ZNF254: variants seen among roughly 807,000 people sequenced by gnomAD.
ZNF254 encodes the protein CTD-2017D11.1.
Under a neutral mutation model 12.4 loss-of-function variants are expected in ZNF254, and 10 were observed. The observed-to-expected ratio is 0.80, with a 90% CI of 0.50 to 1.36. The LOEUF is 1.36. Among genes scored for constraint, ZNF254 ranks in the 40% most tolerant of loss-of-function variants. ZNF254 has a pLI of 0.00. For missense variants in ZNF254, 996 were observed against 763.9 expected (o/e 1.30, Z -3.58); for synonymous variants, 305 against 253.4 (o/e 1.20, Z -1.93).
chr19:24,039,251 G>C (rs1378667000), intron 1 of ZNF254, among the ~76,000 whole-genome samples: 1 of 152,206 alleles, frequency 6.6e-6, no homozygotes, highest in Admixed American at 6.5e-5. Flanking sequence ...TTGAGATTGT[G>C]TGAGGAGCTC....
At chr19:24,084,594 C>T (rs902989584), upstream of ZNF254, among the ~76,000 whole-genome samples, 18 of 151,918 alleles carry the variant, frequency 1.2e-4, no homozygotes, top group African/African-American at 3.1e-4. Flanking sequence ...TCCCAAACCC[C>T]GTAAGTTTAA....
intron 2 of ZNF254, among the ~76,000 whole-genome samples, chr19:24,078,164 C>G (rs1412156221): frequency 6.6e-6 from 1 of 152,136 alleles, no homozygotes; most frequent in Admixed American, 6.6e-5. Context: ...CAGCCTCCCA[C>G]ATAGTTGGAA....
intron 1 of ZNF254, among the ~76,000 whole-genome samples, chr19:24,092,589 C>G (rs1318142827): frequency 6.6e-6 from 1 of 152,008 alleles, no homozygotes; most frequent in Non-Finnish European, 1.5e-5. Flanking sequence ...CCATGTTGCT[C>G]AGGCTGGTCT....
At chr19:24,073,148 A>T (rs1413585067) in intron 2 of ZNF254, among the ~76,000 whole-genome samples, 2 of 152,186 alleles carry the variant, frequency 1.3e-5, no homozygotes, top group African/African-American at 4.8e-5. Context: ...CACAGGTGAG[A>T]CTGTGTTTCT....
At chr19:24,054,313 C>T (rs1269028301) in intron 2 of ZNF254, among the ~76,000 whole-genome samples, 1 of 152,178 alleles carries the variant, frequency 6.6e-6, no homozygotes, top group Non-Finnish European at 1.5e-5. Context: ...CTCTTGCTAA[C>T]TCCCTACCTA....
intron 3 of ZNF254, among the ~76,000 whole-genome samples, chr19:24,118,369 A>T (rs1189527038): frequency 6.6e-6 from 1 of 152,084 alleles, no homozygotes; most frequent in Non-Finnish European, 1.5e-5. Flanking sequence ...TTACTGCATC[A>T]TCAACAGATT....
intron 2 of ZNF254, among the ~76,000 whole-genome samples, chr19:24,048,348 A>G (rs1406113159): frequency 6.6e-6 from 1 of 152,238 alleles, no homozygotes; most frequent in Non-Finnish European, 1.5e-5. Flanking sequence ...CACATGGCCC[A>G]GGGTGGAACT....
rs1169925267 is a variant in ZNF254 at position 24,041,609 on chromosome 19, G to A, written c.-189-4575G>A. Among the ~76,000 whole-genome samples the A allele has an allele frequency of 5.6e-4, 86 of 152,382 alleles. 1 individual carries two copies. Among genetic ancestry groups the A allele is most frequent in the Non-Finnish European group, 1.6e-4 (11 of 68,040 alleles). The stretch of plus-strand genomic sequence containing the variant: ...CCTGAGCCTCCCACCCACTCCATGG[G>A]CTCCTGTGCGGCCCGAGCCTCCCCG... On this transcript the variant is annotated intron_variant, in intron 1 of 4. Coordinates refer to the ZNF254 transcript ENST00000613065.
chr19:24,120,696 T>C (rs1457799176), intron 3 of ZNF254, among the ~76,000 whole-genome samples: 2 of 151,992 alleles, frequency 1.3e-5, no homozygotes, highest in African/African-American at 4.8e-5. Context: ...GGAGTCTTGC[T>C]CTGTCACCCA....
chr19:24,055,788 A>G (rs62114777), intron 2 of ZNF254, among the ~76,000 whole-genome samples: 21,726 of 152,176 alleles, frequency 0.14, 1,871 homozygotes, highest in Middle Eastern at 0.23. Context: ...TTCACTAATT[A>G]GACAAAGTCC....
intron 1 of ZNF254, among the ~76,000 whole-genome samples, chr19:24,042,411 CTG>C (rs1215479044): frequency 6.6e-6 from 1 of 152,220 alleles, no homozygotes; most frequent in Non-Finnish European, 1.5e-5. Flanking sequence ...CCCTTCCACA[CTG>C]TGGAAACTTT....
At chr19:24,116,653 A>G (rs1198594657) in intron 3 of ZNF254, among the ~76,000 whole-genome samples, 1 of 152,044 alleles carries the variant, frequency 6.6e-6, no homozygotes, top group Admixed American at 6.5e-5. Flanking sequence ...TTCCTCCTGT[A>G]GCTGGGAGTA....
chr19:24,126,841 C>A lies in ZNF254; in HGVS notation c.841C>A (p.Leu281Ile), dbSNP rs768367187. The part of the protein sequence containing the change: ...CGEAFNRSSN[L>I]TTHKIIHTGE... ...TGAAGCTTTTAATCGATCCTCAAATCTTACTACACATAAGATAATTCATAC... is the reference window on the plus strand; with the variant it reads ...TGAAGCTTTTAATCGATCCTCAAATATTACTACACATAAGATAATTCATAC... The change falls in exon 4 of 4, where the codon CTT (leucine) becomes ATT (isoleucine). Residue 281 changes from leucine (L) to isoleucine (I), a missense_variant. Leu to Ile is a conservative substitution (Grantham distance 5, BLOSUM62 2). Transcript: ENST00000357002. 4.3e-6 allele frequency: 7 copies of A among 1,613,128 alleles called. No homozygotes were observed. Among genetic ancestry groups the A allele is most frequent in the Non-Finnish European group, 5.9e-6 (7 of 1,179,716 alleles).
rs150141428 is a variant in ZNF254, at chr19:24,129,198, A to G, written c.*1218A>G. ...TTCCTCTGCATTATTATGAATGAAA[A>G]GCATTCTTAATTTTAGTTAAAATTA... On this transcript the variant is annotated 3_prime_UTR_variant, in exon 4 of 4. Transcript: ENST00000357002. 1.2e-4 allele frequency: 19 copies of G among 152,170 alleles called. No homozygotes were observed. Among genetic ancestry groups the G allele is most frequent in the African/African-American group, 4.3e-4 (18 of 41,570 alleles). 9.4% of individuals were successfully genotyped at this position (152,170 alleles called of 1,614,324 possible).
At chr19:24,118,496 T>G (rs1974263948) in intron 3 of ZNF254, among the ~76,000 whole-genome samples, 1 of 152,186 alleles carries the variant, frequency 6.6e-6, no homozygotes, top group Non-Finnish European at 1.5e-5. Flanking sequence ...CTTTCAAATT[T>G]TTTGTTTGTG....
At chr19:24,074,261 T>A (rs894600822) in intron 2 of ZNF254, among the ~76,000 whole-genome samples, 2 of 152,166 alleles carry the variant, frequency 1.3e-5, no homozygotes, top group African/African-American at 4.8e-5. Context: ...ACATAAATAA[T>A]TTTTTCTATT....
chr19:24,042,030 A>G (rs1314306042), intron 1 of ZNF254, among the ~76,000 whole-genome samples: 1 of 115,162 alleles, frequency 8.7e-6, no homozygotes, highest in African/African-American at 3.3e-5. Context: ...TCTGGTGAGG[A>G]CGTGGAGAAC....
At chr19:24,056,456 A>G (rs1441375918) in intron 2 of ZNF254, among the ~76,000 whole-genome samples, 1 of 152,098 alleles carries the variant, frequency 6.6e-6, no homozygotes, top group African/African-American at 2.4e-5. Flanking sequence ...TCTGCTGGCA[A>G]GGGAGATGGA....
At chr19:24,047,862 T>C (rs1387140562) in intron 2 of ZNF254, among the ~76,000 whole-genome samples, 1 of 151,268 alleles carries the variant, frequency 6.6e-6, no homozygotes, top group Non-Finnish European at 1.5e-5. Context: ...TAATTTTGTA[T>C]TTTTAGTAGA....
Sources: allele counts gnomAD v4.1 joint callset (sites outside exome capture counted in the v4.1 genomes callset), GRCh38; gene constraint gnomAD v4.1.1; transcripts MANE v1.5; gene names NCBI Gene and HGNC (gene_info 2026-07-23, HGNC 2026-07-21).